EP400: variants seen among roughly 807,000 people sequenced by gnomAD.
The protein encoded by EP400 is E1A-binding protein p400.
EP400 carries 105 observed loss-of-function variants against 354.1 expected under a neutral mutation model. That is an observed-to-expected ratio of 0.30 (90% CI 0.25 to 0.35). The LOEUF (loss-of-function observed/expected upper bound fraction) is 0.35, where lower values mean the gene tolerates loss of function less well. Among genes scored for constraint, EP400 ranks in the 10% least tolerant of loss-of-function variants. EP400 has a pLI of 1.00. For missense variants in EP400, 3,280 were observed against 4,121.0 expected, an observed-to-expected ratio of 0.80 and a Z score of 5.59; for synonymous variants, 1,646 against 1,716.9, an observed-to-expected ratio of 0.96 and a Z score of 1.02.
At chr12:132,010,209 C>T (rs1893721406) in intron 15 of EP400, among the ~76,000 whole-genome samples, 1 of 151,732 alleles carries the variant, frequency 6.6e-6, no homozygotes, top group Admixed American at 6.6e-5. Flanking sequence ...TCCTCAGCCT[C>T]CTGAGTAGCT....
At chr12:132,001,630 C>A (rs538622849) in intron 12 of EP400, among the ~76,000 whole-genome samples, 2 of 143,416 alleles carry the variant, frequency 1.4e-5, no homozygotes, top group African/African-American at 4.9e-5. Flanking sequence ...TTTCCCGGTC[C>A]GCTAAGTAGC....
intron 6 of EP400, among the ~76,000 whole-genome samples, chr12:131,987,219 G>A (rs1349972555): frequency 1.3e-5 from 2 of 152,132 alleles, no homozygotes; most frequent in African/African-American, 4.8e-5. Flanking sequence ...CATTTATTTT[G>A]TTCAACTTCA....
At chr12:132,055,303 C>T (rs1293823010) in intron 45 of EP400, 95 bp downstream of exon 45, 2 of 1,049,486 alleles carry the variant, frequency 1.9e-6, no homozygotes, top group Non-Finnish European at 2.7e-6. Context: ...TTAAGTATTC[C>T]ATTGGTGAAA....
intron 12 of EP400, among the ~76,000 whole-genome samples, chr12:131,995,553 T>C (rs1364403292): frequency 1.2e-4 from 17 of 136,678 alleles, no homozygotes; most frequent in Admixed American, 3.0e-4. Flanking sequence ...TTCATGTGAA[T>C]GAATCCCACC....
intron 21 of EP400, among the ~76,000 whole-genome samples, chr12:132,019,550 A>AT (rs1172753529): frequency 6.6e-6 from 1 of 152,070 alleles, no homozygotes; most frequent in African/African-American, 2.4e-5. Flanking sequence ...CAAAAAAAAA[A>AT]ATCAAATCCA....
intron 39 of EP400, among the ~76,000 whole-genome samples, chr12:132,046,550 C>A (rs1039148393): frequency 1.3e-5 from 2 of 152,160 alleles, no homozygotes; most frequent in African/African-American, 4.8e-5. Flanking sequence ...ATAAGTATTG[C>A]AAATGTTTAT....
rs139926036 is a variant in EP400 at position 132,044,290 on chromosome 12, G to A, written c.6564G>A (p.Thr2188=). The A allele has an allele frequency of 1.1e-3, 1,842 of 1,613,930 alleles. 8 individuals are homozygous for A. The highest frequency in any genetic ancestry group is 1.8e-3 in the South Asian group (166 of 91,080). ...AGGAGGCGGAGCTCCTGACCTACAC[G>A]CGAGAGGATGCCTACAGCATGGTAC... is the stretch of plus-strand genomic sequence containing the variant. ...EQEEAELLTY[T]REDAYSMEYV... The change falls in exon 35 of 53, where the codon ACG becomes ACA. Residue 2188 remains threonine (T), a synonymous_variant. Transcript: ENST00000389561.
intron 7 of EP400, among the ~76,000 whole-genome samples, chr12:131,989,450 TCAGGGCTCC>T (rs1245390060): frequency 6.6e-6 from 1 of 152,260 alleles, no homozygotes; most frequent in Non-Finnish European, 1.5e-5. Context: ...CATTGTGCTC[TCAGGGCTCC>T]AAAGGTTTTC....
chr12:132,045,979 C>T (rs1457649757), intron 39 of EP400, 79 bp downstream of exon 39: 1 of 1,496,186 alleles, frequency 6.7e-7, no homozygotes, highest in Non-Finnish European at 9.1e-7. Flanking sequence ...AGCTCCAGTC[C>T]TGCTCTTCAC....
At chr12:132,003,472 A>G (rs1371161273) in intron 12 of EP400, among the ~76,000 whole-genome samples, 1 of 152,168 alleles carries the variant, frequency 6.6e-6, no homozygotes, top group African/African-American at 2.4e-5. Context: ...AGGGATACTG[A>G]GGGACGACTG....
At chr12:132,007,560 T>C (rs1893626352) in intron 15 of EP400, among the ~76,000 whole-genome samples, 1 of 152,230 alleles carries the variant, frequency 6.6e-6, no homozygotes, top group Admixed American at 6.5e-5. Flanking sequence ...GTGCCCACCC[T>C]AGTCTCCTGC....
At chr12:132,009,619 G>A (rs531753463) in intron 15 of EP400, among the ~76,000 whole-genome samples, 59 of 152,290 alleles carry the variant, frequency 3.9e-4, no homozygotes, top group African/African-American at 1.4e-3. Context: ...CCACGATAGA[G>A]GCCTATCAGG....
chr12:132,014,474 C>T (rs1893862435), intron 19 of EP400, among the ~76,000 whole-genome samples: 1 of 152,202 alleles, frequency 6.6e-6, no homozygotes, highest in Non-Finnish European at 1.5e-5. Context: ...GTGGGGCCCC[C>T]TTTGACCCTC....
intron 15 of EP400, among the ~76,000 whole-genome samples, chr12:132,010,062 G>A (rs1254498622): frequency 6.7e-6 from 1 of 148,884 alleles, no homozygotes; most frequent in Admixed American, 6.7e-5. Flanking sequence ...TTTGATTTGT[G>A]TTTACCTACT....
intron 5 of EP400, among the ~76,000 whole-genome samples, chr12:131,983,735 A>G (rs1286749255): frequency 1.3e-5 from 2 of 152,172 alleles, no homozygotes; most frequent in Non-Finnish European, 2.9e-5. Flanking sequence ...GCTGGAATGC[A>G]GTGACACGAT....
At position 132,028,293 on chromosome 12, in the gene EP400, T is replaced by G; in HGVS notation, c.5381+5T>G. The G allele has an allele frequency of 6.2e-7, 1 of 1,609,300 alleles. No homozygotes were observed. Among genetic ancestry groups the G allele is most frequent in the Non-Finnish European group, 8.5e-7 (1 of 1,175,746 alleles). On this transcript the variant is annotated splice_donor_5th_base_variant and intron_variant, in intron 27 of 52. Transcript: ENST00000389561. ...TCTGCAGGATGTTATTGACAGGTAC[T>G]GCAGACCTCGTGACCTTTTCGGTGC...
intron 2 of EP400, among the ~76,000 whole-genome samples, chr12:131,969,787 C>T (rs768769001): frequency 7.2e-5 from 11 of 152,194 alleles, no homozygotes; most frequent in African/African-American, 1.9e-4. Flanking sequence ...CGGTGGCTCA[C>T]GCCTGTAATC....
At chr12:132,031,418 A>G (rs1276769012) in intron 29 of EP400, 1 of 517,830 alleles carries the variant, frequency 1.9e-6, no homozygotes, top group African/African-American at 1.9e-5. Flanking sequence ...TGTTATTTAA[A>G]CTGTGCATGA....
chr12:131,957,575 A>G (rs1891744557), intron 1 of EP400, among the ~76,000 whole-genome samples: 1 of 145,884 alleles, frequency 6.9e-6, no homozygotes, highest in Admixed American at 6.7e-5. Context: ...AGCTTATAAA[A>G]ATGCTTTATT....
Sources: allele counts gnomAD v4.1 joint callset (sites outside exome capture counted in the v4.1 genomes callset), GRCh38; gene constraint gnomAD v4.1.1; transcripts MANE v1.5; gene names NCBI Gene and HGNC (gene_info 2026-07-23, HGNC 2026-07-21).